Variants in PPP1R1C observed in about 807,000 individuals in gnomAD.
PPP1R1C encodes protein phosphatase 1 regulatory inhibitor subunit 1C.
Under a neutral mutation model 17.4 loss-of-function variants are expected in PPP1R1C, and 15 were observed. The ratio of observed to expected loss-of-function variants is 0.86; its 90% confidence interval spans 0.58 to 1.33. The LOEUF (loss-of-function observed/expected upper bound fraction) is 1.33, where lower values mean the gene tolerates loss of function less well. PPP1R1C is among the 40% of genes most tolerant of loss of function. The pLI is 0.00. For missense variants in PPP1R1C, 143 were observed against 130.0 expected (o/e 1.10, Z -0.48); for synonymous variants, 35 against 43.1 (o/e 0.81, Z 0.73).
At chr2:182,119,814 T>C (rs1470550816), downstream of PPP1R1C, among the ~76,000 whole-genome samples, 1 of 152,244 alleles carries the variant, frequency 6.6e-6, no homozygotes, top group Non-Finnish European at 1.5e-5. Flanking sequence ...TAGCCCTTTG[T>C]CAGATGAGTA....
chr2:182,124,328 T>TTTTTTTTTTTG (rs1363540993), intron 5 of PPP1R1C, among the ~76,000 whole-genome samples: 26 of 55,612 alleles, frequency 4.7e-4, no homozygotes, highest in South Asian at 9.9e-4. Flanking sequence ...TTTTTTTTTG[T>TTTTTTTTTTTG]TTTTTTTTTT....
At position 182,014,631 on chromosome 2, in the gene PPP1R1C, G is replaced by A. The variant is rs567845244; in HGVS notation, c.142+26732G>A. Among the ~76,000 whole-genome samples the A allele has an allele frequency of 1.8e-4, 27 of 151,712 alleles. 1 individual carries two copies. In the South Asian group the frequency reaches 4.0e-3, roughly 22 times the overall value. On this transcript the variant is annotated intron_variant, in intron 2 of 4. Transcript: ENST00000682840. The stretch of plus-strand genomic sequence containing the variant: ...AGGCTGATGTCCTTCCCTTCACAGC[G>A]GCAAACCCTACTCCATCCCAGGGTA...
chr2:182,031,933 C>T (rs1224010664), intron 2 of PPP1R1C, among the ~76,000 whole-genome samples: 2 of 152,206 alleles, frequency 1.3e-5, no homozygotes, highest in Non-Finnish European at 2.9e-5. Context: ...CATTCCAGAT[C>T]ATAGCCCAAT....
At chr2:181,972,256 A>G (rs1235670954) in intron 1 of PPP1R1C, among the ~76,000 whole-genome samples, 3 of 152,238 alleles carry the variant, frequency 2.0e-5, no homozygotes, top group Admixed American at 2.0e-4. Flanking sequence ...TTTAATACCT[A>G]TGAATCATTT....
intron 4 of PPP1R1C, among the ~76,000 whole-genome samples, chr2:182,097,103 T>G (rs1688963168): frequency 1.3e-5 from 2 of 152,212 alleles, no homozygotes; most frequent in African/African-American, 4.8e-5. Flanking sequence ...CAGACATATC[T>G]CTGATACCAC....
chr2:182,036,088 A>G (rs1377362805), intron 2 of PPP1R1C, among the ~76,000 whole-genome samples: 2 of 152,186 alleles, frequency 1.3e-5, no homozygotes, highest in African/African-American at 2.4e-5. Flanking sequence ...TCCTTTCAAC[A>G]AAGTGAGTTA....
intron 2 of PPP1R1C, among the ~76,000 whole-genome samples, chr2:182,059,345 C>T (rs1054770309): frequency 6.6e-5 from 10 of 152,022 alleles, no homozygotes; most frequent in African/African-American, 2.2e-4. Flanking sequence ...TTGTTCAACC[C>T]TACTCCAAAA....
chr2:181,967,676 TTTCC>T lies in PPP1R1C; in HGVS notation n.112-7528_112-7525del, dbSNP rs948995976. ...CCCTCCCTCCCTCCTTCTCTCTCTC[TTTCC>T]TTCCTTCCTTCCTTTCTTTCTCTTT... is the stretch of plus-strand genomic sequence containing the variant. On this transcript the variant is annotated intron_variant and non_coding_transcript_variant, in intron 1 of 5. Coordinates refer to the PPP1R1C transcript ENST00000464264. This position sits in a 1 kb window ranked among gnomAD's most constrained non-coding sequence, Gnocchi z 5.5. 2.0e-5 allele frequency among the ~76,000 whole-genome samples: 3 copies of T among 151,838 alleles called. No individual in the cohort carries two copies. The highest frequency in any genetic ancestry group is 2.1e-4 in the South Asian group (1 of 4,806).
intron 2 of PPP1R1C, among the ~76,000 whole-genome samples, chr2:182,016,251 G>A (rs1054084178): frequency 6.6e-6 from 1 of 152,208 alleles, no homozygotes; most frequent in Non-Finnish European, 1.5e-5. Context: ...GGAGAATGGG[G>A]GAGGGGTGGC....
In PPP1R1C at chr2:182,105,423, G is replaced by A. The variant is rs564856415; in HGVS notation, c.242-11784G>A. Among the ~76,000 whole-genome samples the A allele has an allele frequency of 7.9e-5, 12 of 152,288 alleles. No individual in the cohort carries two copies. The South Asian group carries it at 2.5e-3, about 32-fold the overall frequency. On this transcript the variant is annotated intron_variant, in intron 4 of 4. Coordinates refer to ENST00000682840, the MANE Select transcript of PPP1R1C (RefSeq NM_001080545.3). ...TTCTCCATTGGGGTTCAGGCATTCT[G>A]TAATTACAGAGAGGTGGATTTTTAT...
At chr2:182,040,242 A>C (rs904044444) in intron 2 of PPP1R1C, among the ~76,000 whole-genome samples, 2 of 152,174 alleles carry the variant, frequency 1.3e-5, no homozygotes, top group Non-Finnish European at 2.9e-5. Context: ...GTTTTCCTTA[A>C]AGGTTGCACT....
intron 4 of PPP1R1C, among the ~76,000 whole-genome samples, chr2:182,113,074 A>T (rs958111566): frequency 1.3e-5 from 2 of 152,170 alleles, no homozygotes; most frequent in Non-Finnish European, 2.9e-5. Flanking sequence ...TTACGTGTTC[A>T]CCCTGCTACT....
intron 2 of PPP1R1C, among the ~76,000 whole-genome samples, chr2:182,058,100 C>G (rs1687743136): frequency 1.3e-5 from 2 of 151,826 alleles, no homozygotes; most frequent in Non-Finnish European, 2.9e-5. Flanking sequence ...TTAACTGAAA[C>G]CCATAGTTTA....
At chr2:182,112,583 C>T (rs912948568) in intron 4 of PPP1R1C, among the ~76,000 whole-genome samples, 3 of 152,052 alleles carry the variant, frequency 2.0e-5, no homozygotes, top group Non-Finnish European at 4.4e-5. Context: ...AGTTAAGGGC[C>T]AAAGTTTGTG....
intron 1 of PPP1R1C, among the ~76,000 whole-genome samples, chr2:181,963,657 A>G (rs1391551577): frequency 1.3e-5 from 2 of 152,156 alleles, no homozygotes; most frequent in Non-Finnish European, 2.9e-5. Flanking sequence ...AAAACAAACC[A>G]ACAAACAAAA....
At chr2:182,075,817 C>G (rs1395423264) in intron 4 of PPP1R1C, among the ~76,000 whole-genome samples, 2 of 151,990 alleles carry the variant, frequency 1.3e-5, no homozygotes, top group African/African-American at 2.4e-5. Flanking sequence ...TTGGAGTTTC[C>G]TTTTGGGTTT....
chr2:182,012,010 G>C (rs1445424480), intron 2 of PPP1R1C, among the ~76,000 whole-genome samples: 1 of 151,912 alleles, frequency 6.6e-6, no homozygotes, highest in Non-Finnish European at 1.5e-5. Flanking sequence ...CTTTGAATTT[G>C]TTAAGACTTG....
At chr2:182,032,678 C>G (rs924606746) in intron 2 of PPP1R1C, among the ~76,000 whole-genome samples, 1 of 152,136 alleles carries the variant, frequency 6.6e-6, no homozygotes, top group Non-Finnish European at 1.5e-5. Context: ...AGTTCCACTA[C>G]TTACAAGCTG....
chr2:182,033,557 A>C (rs1686909731), intron 2 of PPP1R1C, among the ~76,000 whole-genome samples: 1 of 152,088 alleles, frequency 6.6e-6, no homozygotes, highest in African/African-American at 2.4e-5. Context: ...TTGTCTCTTA[A>C]AATATTTCTC....
Sources: allele counts gnomAD v4.1 joint callset (sites outside exome capture counted in the v4.1 genomes callset), GRCh38; gene constraint gnomAD v4.1.1; non-coding constraint Gnocchi (gnomAD v3.1); transcripts MANE v1.5; gene names NCBI Gene and HGNC (gene_info 2026-07-23, HGNC 2026-07-21).